CDYL2: variants seen among roughly 807,000 people sequenced by gnomAD.
CDYL2 encodes the protein chromodomain Y-like protein 2.
CDYL2 carries 23 observed loss-of-function variants against 49.4 expected under a neutral mutation model. The ratio of observed to expected loss-of-function variants is 0.47; its 90% CI spans 0.34 to 0.66. The LOEUF is 0.66. Among genes scored for constraint, CDYL2 ranks in the 30% least tolerant of loss-of-function variants. The probability of loss-of-function intolerance (pLI) is 0.01; values close to 1 mark genes in which losing one functional copy is unlikely to be tolerated. For synonymous variants in CDYL2, 360 were observed against 268.8 expected, an observed-to-expected ratio of 1.34 and a Z score of -3.32; for missense variants, 678 against 656.4, an observed-to-expected ratio of 1.03 and a Z score of -0.36.
chr16:80,773,602 G>C (rs1057109685), intron 1 of CDYL2, among the ~76,000 whole-genome samples: 2 of 152,102 alleles, frequency 1.3e-5, no homozygotes, highest in African/African-American at 4.8e-5. Flanking sequence ...TTAAATATCA[G>C]AGTATGTTCT....
intron 2 of CDYL2, among the ~76,000 whole-genome samples, chr16:80,662,975 A>G (rs932520244): frequency 2.6e-5 from 4 of 152,092 alleles, no homozygotes; most frequent in South Asian, 2.1e-4. Flanking sequence ...GAATAAATGA[A>G]TGAGTGAATA....
intron 2 of CDYL2, among the ~76,000 whole-genome samples, chr16:80,681,939 G>C (rs1909982992): frequency 6.6e-6 from 1 of 152,138 alleles, no homozygotes; most frequent in South Asian, 2.1e-4. Flanking sequence ...GTATTGAATT[G>C]AATTAAATTG....
chr16:80,760,423 C>T (rs540757540), intron 1 of CDYL2, among the ~76,000 whole-genome samples: 1 of 152,288 alleles, frequency 6.6e-6, no homozygotes, highest in South Asian at 2.1e-4. Context: ...TATTTGAAAG[C>T]ACAACAGGGT....
At chr16:80,605,123 T>A (rs1041213213) in intron 6 of CDYL2, among the ~76,000 whole-genome samples, 2 of 152,072 alleles carry the variant, frequency 1.3e-5, no homozygotes, top group Admixed American at 6.6e-5. Context: ...ATCACAGCCA[T>A]AGTAATAATT....
At chr16:80,659,380 C>T (rs1257153592) in intron 2 of CDYL2, among the ~76,000 whole-genome samples, 1 of 152,042 alleles carries the variant, frequency 6.6e-6, no homozygotes, top group East Asian at 1.9e-4. Context: ...ATCTAAAAGA[C>T]ATTATTGCGG....
At chr16:80,660,933 G>T (rs1267503001) in intron 2 of CDYL2, among the ~76,000 whole-genome samples, 2 of 152,196 alleles carry the variant, frequency 1.3e-5, no homozygotes, top group Non-Finnish European at 1.5e-5. Context: ...TAAAGATACA[G>T]GGGCAGCTGC....
chr16:80,600,352 G>T lies in CDYL2; in HGVS notation c.*4036C>A, dbSNP rs1339522446. The T allele has an allele frequency of 2.6e-5, 4 of 152,032 alleles. No individual in the cohort carries two copies. Among genetic ancestry groups the T allele is most frequent in the African/African-American group, 9.7e-5 (4 of 41,406 alleles). 9.4% of individuals were successfully genotyped at this position (152,032 alleles called of 1,614,324 possible). ...CCTAACTTATCACAGAAATATAAAA[G>T]TTTATATTTTGAAAATATATACTGT... is the stretch of plus-strand genomic sequence containing the variant. On this transcript the variant is annotated 3_prime_UTR_variant, in exon 7 of 7. Transcript: ENST00000570137.
chr16:80,710,388 A>G (rs946834364), intron 1 of CDYL2, among the ~76,000 whole-genome samples: 2 of 152,216 alleles, frequency 1.3e-5, no homozygotes, highest in African/African-American at 4.8e-5. Context: ...TTATGTCCAT[A>G]TCTTTGAACC....
rs1035028441 is a variant in CDYL2, at chr16:80,708,751, G to GT, written c.25-23623dup. 9.0e-4 allele frequency among the ~76,000 whole-genome samples: 136 copies of GT among 151,054 alleles called. 1 individual carries two copies. The highest frequency in any genetic ancestry group is 5.8e-4 in the African/African-American group (24 of 41,152). On this transcript the variant is annotated intron_variant, in intron 1 of 6. Transcript: ENST00000570137. Reference sequence around the variant, plus strand: ...ACAAATAAATAAAACACACAGGGTTGTTTTTTTTTGTACTTATATGTAGAA... The same window carrying GT: ...ACAAATAAATAAAACACACAGGGTTGTTTTTTTTTTGTACTTATATGTAGAA...
chr16:80,617,156 A>G (rs1597125877), intron 4 of CDYL2, among the ~76,000 whole-genome samples: 1 of 152,222 alleles, frequency 6.6e-6, no homozygotes, highest in East Asian at 1.9e-4. Context: ...CTGCTAGTTC[A>G]TTCATCAAAC....
chr16:80,650,823 A>G (rs12920375), intron 2 of CDYL2, among the ~76,000 whole-genome samples: 86,911 of 151,966 alleles, frequency 0.57, 27,926 homozygotes, highest in African/African-American at 0.87. Flanking sequence ...GCAACAACAC[A>G]GATGGAACTG....
chr16:80,681,997 C>T lies in CDYL2; in HGVS notation c.616+2541G>A, dbSNP rs181456832. ...GTCCCACCCCCCACACATTTGGCCA[C>T]AAAGCTCATCTCAAAATGCGGTAGA... On this transcript the variant is annotated intron_variant, in intron 2 of 6. Coordinates refer to ENST00000570137, the MANE Select transcript of CDYL2 (RefSeq NM_152342.4). 7.6e-4 allele frequency among the ~76,000 whole-genome samples: 115 copies of T among 152,316 alleles called. 2 individuals are homozygous for T. In the South Asian group the frequency reaches 7.9e-3, roughly 10 times the overall value.
intron 1 of CDYL2, among the ~76,000 whole-genome samples, chr16:80,750,535 C>G (rs1026011977): frequency 6.6e-6 from 1 of 151,980 alleles, no homozygotes; most frequent in African/African-American, 2.4e-5. Flanking sequence ...GTATTCTCCA[C>G]AACAAATAAA....
At chr16:80,702,201 C>T (rs1904305142) in intron 1 of CDYL2, among the ~76,000 whole-genome samples, 1 of 151,822 alleles carries the variant, frequency 6.6e-6, no homozygotes, top group Non-Finnish European at 1.5e-5. Context: ...CACACACACA[C>T]ACACACACAC....
intron 1 of CDYL2, among the ~76,000 whole-genome samples, chr16:80,791,455 G>C (rs115614253): frequency 4.2e-3 from 637 of 152,320 alleles, no homozygotes; most frequent in African/African-American, 0.015. Context: ...ATGTAAGTGG[G>C]AGATTTAGAA....
At chr16:80,677,898 G>A (rs1278056137) in intron 2 of CDYL2, among the ~76,000 whole-genome samples, 1 of 151,788 alleles carries the variant, frequency 6.6e-6, no homozygotes, top group Non-Finnish European at 1.5e-5. Flanking sequence ...GCATGGTACT[G>A]GTACCAAAAC....
chr16:80,782,276 G>A (rs1907293765), intron 1 of CDYL2, among the ~76,000 whole-genome samples: 1 of 151,616 alleles, frequency 6.6e-6, no homozygotes, highest in Non-Finnish European at 1.5e-5. Context: ...ACACAAACAA[G>A]CAAAACAGAC....
chr16:80,689,733 C>T (rs1910337934), intron 1 of CDYL2, among the ~76,000 whole-genome samples: 1 of 152,184 alleles, frequency 6.6e-6, no homozygotes, highest in African/African-American at 2.4e-5. Context: ...CAGCGTGCAA[C>T]AAGAAACCTC....
chr16:80,619,503 A>G (rs1017714183), intron 4 of CDYL2, among the ~76,000 whole-genome samples: 1 of 152,220 alleles, frequency 6.6e-6, no homozygotes, highest in Non-Finnish European at 1.5e-5. Flanking sequence ...CACGGGTCAC[A>G]AAAATGGGCA....
Sources: allele counts gnomAD v4.1 joint callset (sites outside exome capture counted in the v4.1 genomes callset), GRCh38; gene constraint gnomAD v4.1.1; transcripts MANE v1.5; gene names NCBI Gene and HGNC (gene_info 2026-07-23, HGNC 2026-07-21).